The following COL27A1 variants were observed in gnomAD, a reference collection of about 807,000 sequenced individuals.
COL27A1 encodes collagen type XXVII alpha 1 chain.
Under a neutral mutation model 251.3 loss-of-function variants are expected in COL27A1, and 106 were observed. The ratio of observed to expected loss-of-function variants is 0.42; its 90% CI spans 0.36 to 0.50. The LOEUF (loss-of-function observed/expected upper bound fraction) is 0.50. COL27A1 is among the 20% of genes least tolerant of loss of function. The pLI, the probability that COL27A1 is intolerant of heterozygous loss-of-function variation, is 0.00. For missense variants in COL27A1, 2,325 were observed against 2,522.8 expected, an observed-to-expected ratio of 0.92 and a Z score of 1.68; for synonymous variants, 1,000 against 986.3, an observed-to-expected ratio of 1.01 and a Z score of -0.26.
intron 32 of COL27A1, 82 bp from the exon 33 acceptor site, chr9:114,266,483 G>C (rs1179534440): frequency 8.3e-7 from 1 of 1,201,984 alleles, no homozygotes; most frequent in Non-Finnish European, 1.2e-6. Flanking sequence ...CTGGGGGTCA[G>C]CTCCCTCATT....
At chr9:114,286,431 G>A (rs531776818) in intron 41 of COL27A1, among the ~76,000 whole-genome samples, 1 of 152,240 alleles carries the variant, frequency 6.6e-6, no homozygotes, top group East Asian at 1.9e-4. Flanking sequence ...CCATCTGTCC[G>A]ATGCCAGACC....
intron 41 of COL27A1, 111 bp downstream of exon 41, chr9:114,284,888 G>T: frequency 1.7e-6 from 2 of 1,191,420 alleles, no homozygotes; most frequent in East Asian, 4.7e-5. Context: ...AGAAGCCTGT[G>T]GGGGCTCACC....
intron 19 of COL27A1, 113 bp downstream of exon 19, chr9:114,237,828 AG>A (rs1234958176): frequency 1.2e-6 from 1 of 820,784 alleles, no homozygotes; most frequent in African/African-American, 1.7e-5. Flanking sequence ...ACAGGATATG[AG>A]AGATGAGGCT....
intron 14 of COL27A1, among the ~76,000 whole-genome samples, chr9:114,225,223 A>G (rs1831386554): frequency 6.6e-6 from 1 of 152,164 alleles, no homozygotes; most frequent in African/African-American, 2.4e-5. Flanking sequence ...GCAGGTGAGG[A>G]TGGGGGCCAT....
At chr9:114,177,830 G>A (rs141672447) in intron 3 of COL27A1, among the ~76,000 whole-genome samples, 372 of 152,280 alleles carry the variant, frequency 2.4e-3, no homozygotes, top group African/African-American at 8.6e-3. Context: ...AGAGAATTTG[G>A]CTGAGCTCTG....
rs768694409 is a variant in COL27A1, at chr9:114,289,229, C to T, written c.4153-13C>T. On this transcript the variant is annotated splice_polypyrimidine_tract_variant and intron_variant, in intron 44 of 60. Transcript: ENST00000356083. ...CCTGGGGCTGCCTTGCGTCATCTCA[C>T]CTTGGTTTGCAGGGGCATCCGGGAC... 24 of 1,585,460 alleles carry T rather than the reference C, an allele frequency of 1.5e-5. No homozygotes were observed. Among genetic ancestry groups the T allele is most frequent in the Non-Finnish European group, 1.9e-5 (22 of 1,166,732 alleles).
intron 14 of COL27A1, among the ~76,000 whole-genome samples, chr9:114,228,084 C>T (rs1445212448): frequency 6.6e-6 from 1 of 152,150 alleles, no homozygotes; most frequent in African/African-American, 2.4e-5. Context: ...CCATGGGATG[C>T]CCATGGCAGG....
chr9:114,240,527 G>A, intron 21 of COL27A1, 40 bp downstream of exon 21: 1 of 1,581,532 alleles, frequency 6.3e-7, no homozygotes, highest in Non-Finnish European at 8.6e-7. Flanking sequence ...ATCCTGGCCT[G>A]ATTGCAGCCC....
chr9:114,309,382 C>G lies in COL27A1; in HGVS notation c.5340C>G (p.Thr1780=), dbSNP rs1829292644. The G allele has an allele frequency of 6.2e-7, 1 of 1,613,924 alleles. No homozygotes were observed. Among genetic ancestry groups the G allele is most frequent in the African/African-American group, 1.3e-5 (1 of 74,874 alleles). Reference sequence around the variant, plus strand: ...TGTGGCAGGAGGGCACTGGGCAGACCCCAGCCAAGCAGGCCGTACGCTTCC... The same window carrying G: ...TGTGGCAGGAGGGCACTGGGCAGACGCCAGCCAAGCAGGCCGTACGCTTCC... The part of the protein sequence containing the change: ...MTVWQEGTGQ[T]PAKQAVRFRA... The change falls in exon 60 of 61, where the codon ACC becomes ACG. Residue 1780 remains threonine (T), a synonymous_variant. Coordinates refer to ENST00000356083, the MANE Select transcript of COL27A1 (RefSeq NM_032888.4).
chr9:114,191,191 C>A (rs1391221214), intron 5 of COL27A1, among the ~76,000 whole-genome samples: 2 of 152,174 alleles, frequency 1.3e-5, no homozygotes, highest in Non-Finnish European at 2.9e-5. Context: ...TGCAGTATAT[C>A]AAAATGTAAA....
intron 58 of COL27A1, 49 bp downstream of exon 58, chr9:114,306,737 G>T: frequency 6.3e-7 from 1 of 1,591,208 alleles, no homozygotes. Flanking sequence ...GTGGGGAGCT[G>T]GGGCAGGTGG....
At chr9:114,231,931 G>A (rs1588714302) in intron 16 of COL27A1, 65 bp downstream of exon 16, 3 of 1,530,578 alleles carry the variant, frequency 2.0e-6, no homozygotes, top group African/African-American at 2.7e-5. Context: ...TCCGCCCGGA[G>A]GCTGCTGCTG....
intron 1 of COL27A1, among the ~76,000 whole-genome samples, chr9:114,159,247 C>T (rs1409433278): frequency 6.6e-6 from 1 of 152,162 alleles, no homozygotes; most frequent in Non-Finnish European, 1.5e-5. Flanking sequence ...CTTCTTCTTC[C>T]TGATTTTCAG....
intron 5 of COL27A1, among the ~76,000 whole-genome samples, chr9:114,183,481 G>A (rs1307920599): frequency 1.3e-5 from 2 of 152,204 alleles, no homozygotes; most frequent in Non-Finnish European, 2.9e-5. Context: ...TGAATGCGGG[G>A]TGGGGAACCA....
Position 114,168,895 on chromosome 9 carries a change from C to A in COL27A1, c.1340C>A (p.Thr447Asn). 6.2e-7 allele frequency: 1 copy of A among 1,614,090 alleles called. No homozygotes were observed. The highest frequency in any genetic ancestry group is 8.5e-7 in the Non-Finnish European group (1 of 1,180,024). Residue 447 changes from threonine (T) to asparagine (N), a missense_variant, in exon 3 of 61, where the codon ACC becomes AAC. Physicochemically the swap from Thr to Asn is moderately conservative, Grantham distance 65 (BLOSUM62 0). Coordinates refer to ENST00000356083, the MANE Select transcript of COL27A1 (RefSeq NM_032888.4). ...AGCACCCGGCCCCTACCTCCTACCA[C>A]CAGCTCCTCTAAAAAACCCATTCCC... ...PPSTRPLPPT[T>N]SSSKKPIPTL...
chr9:114,210,872 C>A, intron 11 of COL27A1, 110 bp from the exon 12 acceptor site: 1 of 1,087,750 alleles, frequency 9.2e-7, no homozygotes, highest in Non-Finnish European at 1.4e-6. Context: ...GGCACACATT[C>A]CAGGCCCTCT....
chr9:114,194,721 C>T (rs1828986464), intron 6 of COL27A1, among the ~76,000 whole-genome samples: 1 of 152,238 alleles, frequency 6.6e-6, no homozygotes, highest in Non-Finnish European at 1.5e-5. Context: ...CTCCTATGGA[C>T]ACACGCTTGG....
chr9:114,239,411 A>G (rs1832608839), intron 19 of COL27A1, among the ~76,000 whole-genome samples: 1 of 152,200 alleles, frequency 6.6e-6, no homozygotes, highest in African/African-American at 2.4e-5. Flanking sequence ...TGTTACGAGC[A>G]CCATTTTACA....
chr9:114,297,122 G>A (rs565035429), intron 49 of COL27A1, among the ~76,000 whole-genome samples: 2 of 152,194 alleles, frequency 1.3e-5, no homozygotes, highest in African/African-American at 4.8e-5. Flanking sequence ...TATTGTCTTG[G>A]TTGTTGTGAC....
Sources: allele counts gnomAD v4.1 joint callset (sites outside exome capture counted in the v4.1 genomes callset), GRCh38; gene constraint gnomAD v4.1.1; transcripts MANE v1.5; gene names NCBI Gene and HGNC (gene_info 2026-07-23, HGNC 2026-07-21).